MAPKAP1: variants seen among roughly 807,000 people sequenced by gnomAD.
MAPKAP1 encodes the protein target of rapamycin complex 2 subunit MAPKAP1.
In MAPKAP1, 20 loss-of-function variants were observed where a neutral mutation model predicts 65.7. That is an observed-to-expected ratio of 0.30 (90% CI 0.21 to 0.44). MAPKAP1 has a LOEUF of 0.44. Among genes scored for constraint, MAPKAP1 ranks in the 20% least tolerant of loss-of-function variants. The probability of loss-of-function intolerance (pLI) is 1.00; values close to 1 mark genes in which losing one functional copy is unlikely to be tolerated. For missense variants in MAPKAP1, 423 were observed against 648.0 expected (o/e 0.65, Z 3.77); for synonymous variants, 222 against 244.3 (o/e 0.91, Z 0.85).
chr9:125,683,174 T>G (rs1463279896), intron 1 of MAPKAP1, among the ~76,000 whole-genome samples: 1 of 152,042 alleles, frequency 6.6e-6, no homozygotes, highest in East Asian at 1.9e-4. Context: ...GGCAGGCTGG[T>G]CTCAAACTCC....
intron 4 of MAPKAP1, among the ~76,000 whole-genome samples, chr9:125,601,866 T>C (rs544114189): frequency 6.6e-6 from 1 of 152,364 alleles, no homozygotes; most frequent in East Asian, 1.9e-4. Flanking sequence ...CAGAGAAGGA[T>C]GCTCCTCCTC....
chr9:125,587,510 GAGCCAACATC>G (rs1278671206), intron 4 of MAPKAP1, among the ~76,000 whole-genome samples: 1 of 152,180 alleles, frequency 6.6e-6, no homozygotes, highest in Non-Finnish European at 1.5e-5. Flanking sequence ...ATGTTGCAAT[GAGCCAACATC>G]ATGCCACTGC....
Position 125,543,054 on chromosome 9 carries a change from C to G in MAPKAP1, c.958+5G>C. ...TACTGTGAGAATATGATTTAACTATCCCACCTGAAACTTTCTGGGATCCTT... is the reference window on the plus strand; with the variant it reads ...TACTGTGAGAATATGATTTAACTATGCCACCTGAAACTTTCTGGGATCCTT... On this transcript the variant is annotated splice_donor_5th_base_variant and intron_variant, in intron 7 of 11. Transcript: ENST00000265960. 6.3e-7 allele frequency: 1 copy of G among 1,581,790 alleles called. No individual in the cohort carries two copies. The highest frequency in any genetic ancestry group is 8.7e-7 in the Non-Finnish European group (1 of 1,150,554).
intron 4 of MAPKAP1, among the ~76,000 whole-genome samples, chr9:125,624,033 G>GC: frequency 2.6e-5 from 1 of 37,988 alleles, no homozygotes; most frequent in Non-Finnish European, 7.4e-5. Flanking sequence ...GAGGGAGGTG[G>GC]GGGGGTCAGC....
chr9:125,706,549 G>A (rs1264741188), intron 1 of MAPKAP1, among the ~76,000 whole-genome samples: 1 of 152,026 alleles, frequency 6.6e-6, no homozygotes, highest in Admixed American at 6.6e-5. Flanking sequence ...CAGCAGCACT[G>A]TAGCTAGAAA....
chr9:125,446,507 CACA>C (rs1286190892), intron 10 of MAPKAP1, among the ~76,000 whole-genome samples: 14 of 152,152 alleles, frequency 9.2e-5, no homozygotes, highest in African/African-American at 3.4e-4. Context: ...GGATCTACCC[CACA>C]ACATCAGAAT....
At chr9:125,612,960 A>C (rs1198225764) in intron 4 of MAPKAP1, among the ~76,000 whole-genome samples, 2 of 152,220 alleles carry the variant, frequency 1.3e-5, no homozygotes, top group Non-Finnish European at 2.9e-5. Flanking sequence ...AAGCAGCTAC[A>C]TCCTGAGAAA....
intron 4 of MAPKAP1, among the ~76,000 whole-genome samples, chr9:125,611,138 A>G (rs916436737): frequency 6.6e-6 from 1 of 152,256 alleles, no homozygotes; most frequent in Non-Finnish European, 1.5e-5. Flanking sequence ...AAATATGACA[A>G]AATGTTAACA....
intron 4 of MAPKAP1, among the ~76,000 whole-genome samples, chr9:125,620,982 T>G (rs1224884979): frequency 1.3e-5 from 2 of 152,090 alleles, no homozygotes; most frequent in African/African-American, 4.8e-5. Flanking sequence ...ATAACAACAG[T>G]GCCATCAGGC....
At chr9:125,472,366 A>G (rs1853955211) in intron 9 of MAPKAP1, among the ~76,000 whole-genome samples, 3 of 152,334 alleles carry the variant, frequency 2.0e-5, no homozygotes, top group African/African-American at 7.2e-5. Context: ...GCAGTCCTCC[A>G]TCTCCTCTCT....
intron 4 of MAPKAP1, among the ~76,000 whole-genome samples, chr9:125,608,529 A>G (rs1564580453): frequency 6.6e-6 from 1 of 152,244 alleles, no homozygotes; most frequent in Non-Finnish European, 1.5e-5. Flanking sequence ...TGGCACCAAA[A>G]TCCACCAAAG....
intron 6 of MAPKAP1, among the ~76,000 whole-genome samples, chr9:125,545,189 A>T (rs1830387630): frequency 1.3e-5 from 2 of 152,234 alleles, no homozygotes; most frequent in Non-Finnish European, 2.9e-5. Flanking sequence ...TCCCAGAACA[A>T]TCTTTAAAAG....
chr9:125,516,126 A>G (rs1829454199), intron 7 of MAPKAP1, among the ~76,000 whole-genome samples: 1 of 152,198 alleles, frequency 6.6e-6, no homozygotes, highest in Non-Finnish European at 1.5e-5. Flanking sequence ...CACTGACCTG[A>G]TTTTACTGAA....
intron 8 of MAPKAP1, among the ~76,000 whole-genome samples, chr9:125,494,205 C>T (rs1854848350): frequency 6.6e-6 from 1 of 152,128 alleles, no homozygotes; most frequent in African/African-American, 2.4e-5. Context: ...AAGCCCAAAA[C>T]TTCTCTTCTA....
chr9:125,576,772 C>T (rs1428780271), intron 5 of MAPKAP1, among the ~76,000 whole-genome samples: 2 of 152,252 alleles, frequency 1.3e-5, no homozygotes, highest in Non-Finnish European at 2.9e-5. Flanking sequence ...CCGCCAGCCT[C>T]GGCCTCCCGA....
intron 3 of MAPKAP1, among the ~76,000 whole-genome samples, chr9:125,669,179 CAAAA>C (rs1187824182): frequency 9.7e-6 from 1 of 103,154 alleles, no homozygotes; most frequent in African/African-American, 3.6e-5. Flanking sequence ...GACTCCGTCT[CAAAA>C]AAAAAAAAAA....
chr9:125,527,812 G>A (rs1404798846), intron 7 of MAPKAP1, among the ~76,000 whole-genome samples: 1 of 152,164 alleles, frequency 6.6e-6, no homozygotes, highest in Non-Finnish European at 1.5e-5. Flanking sequence ...CATCATTACG[G>A]GAATCTGGGC....
chr9:125,594,914 CT>C (rs578100534), intron 4 of MAPKAP1, among the ~76,000 whole-genome samples: 160 of 152,220 alleles, frequency 1.1e-3, no homozygotes, highest in African/African-American at 3.8e-3. Context: ...TTCCCAGCCC[CT>C]GTTCTTCAGG....
intron 6 of MAPKAP1, among the ~76,000 whole-genome samples, chr9:125,554,523 G>T (rs757546753): frequency 6.6e-6 from 1 of 152,152 alleles, no homozygotes; most frequent in Non-Finnish European, 1.5e-5. Flanking sequence ...TCTAGGTTAG[G>T]AGCGGTGGCT....
Sources: allele counts gnomAD v4.1 joint callset (sites outside exome capture counted in the v4.1 genomes callset), GRCh38; gene constraint gnomAD v4.1.1; transcripts MANE v1.5; gene names NCBI Gene and HGNC (gene_info 2026-07-23, HGNC 2026-07-21).